The following DNAH11 variants were observed in gnomAD, a reference collection of about 807,000 sequenced individuals.
The protein encoded by DNAH11 is axonemal beta dynein heavy chain 11.
DNAH11 carries 442 observed loss-of-function variants against 526.0 expected under a neutral mutation model. That is an observed-to-expected ratio of 0.84 (90% CI 0.78 to 0.91). The LOEUF is 0.91. Ranked by LOEUF, DNAH11 falls within the 40% of genes least tolerant of loss-of-function variation. The pLI, the probability that DNAH11 is intolerant of heterozygous loss-of-function variation, is 0.00. For synonymous variants in DNAH11, 2,461 were observed against 1,935.9 expected, an observed-to-expected ratio of 1.27 and a Z score of -7.12; for missense variants, 6,989 against 5,448.7, an observed-to-expected ratio of 1.28 and a Z score of -8.90.
In DNAH11 at chr7:21,591,217, G is replaced by T. The variant is rs1784666587; in HGVS notation, c.2307G>T (p.Gly769=). The change falls in exon 14 of 82, where the codon GGG becomes GGT. Residue 769 remains glycine (G), a synonymous_variant. Transcript: ENST00000409508. ...YIGNLDLLVQ[G]YNKLKQTLLE... ...GAAATCTTGACCTTCTTGTGCAAGG[G>T]TATAATAAACTCAAACAGACGCTCC... 1.3e-6 allele frequency: 2 copies of T among 1,571,526 alleles called. No individual in the cohort carries two copies. The highest frequency in any genetic ancestry group is 1.7e-6 in the Non-Finnish European group (2 of 1,161,136).
chr7:21,698,676 C>T (rs1783947123), intron 36 of DNAH11, among the ~76,000 whole-genome samples: 1 of 152,144 alleles, frequency 6.6e-6, no homozygotes, highest in Admixed American at 6.5e-5. Flanking sequence ...AGTAATATTC[C>T]ATGGTGTATA....
chr7:21,642,496 C>T (rs1025831516), intron 28 of DNAH11, among the ~76,000 whole-genome samples: 28 of 152,166 alleles, frequency 1.8e-4, no homozygotes, highest in African/African-American at 6.8e-4. Flanking sequence ...CTCTTTTCAA[C>T]ATTAGAGTCA....
Position 21,615,062 on chromosome 7 carries a change from G to C in DNAH11, c.3853-52G>C, listed in dbSNP as rs1413035306. On this transcript the variant is annotated intron_variant, in intron 20 of 81. Coordinates refer to ENST00000409508, the MANE Select transcript of DNAH11 (RefSeq NM_001277115.2). ...GATAACCAGAGCTACAGAACTGCAT[G>C]TCTTCTCTTTCTCTGGCAGTTTGTA... 12 of 1,537,094 alleles carry C rather than the reference G, an allele frequency of 7.8e-6. No homozygotes were observed. The East Asian group carries it at 2.8e-4, about 36-fold the overall frequency.
chr7:21,772,459 G>C (rs1335102667), intron 55 of DNAH11, among the ~76,000 whole-genome samples: 1 of 150,374 alleles, frequency 6.7e-6, no homozygotes, highest in East Asian at 2.0e-4. Flanking sequence ...ATTAAAACAA[G>C]ACAGGACAGG....
chr7:21,701,375 G>A (rs576594808), intron 36 of DNAH11, among the ~76,000 whole-genome samples: 7 of 148,854 alleles, frequency 4.7e-5, no homozygotes, highest in African/African-American at 1.5e-4. Context: ...CCACAGCCTC[G>A]ACCTTCCTGG....
intron 67 of DNAH11, 58 bp from the exon 68 acceptor site, chr7:21,854,257 T>A: frequency 6.4e-7 from 1 of 1,565,630 alleles, no homozygotes. Context: ...ATTCCTTGGA[T>A]ATGCGTAGAG....
chr7:21,573,168 T>C (rs1035637933), intron 8 of DNAH11, among the ~76,000 whole-genome samples: 1 of 152,198 alleles, frequency 6.6e-6, no homozygotes, highest in African/African-American at 2.4e-5. Context: ...ACCTTGGCCA[T>C]GCCAAAGGTC....
rs535286802 is a variant in DNAH11, at chr7:21,689,741, C to T, written c.5925-1024C>T. ...ACCTAGTGTCTAAAGCACCCTTAGTCCTAAACACTGTGGTTTCTTTCTGTG... is the reference window on the plus strand; with the variant it reads ...ACCTAGTGTCTAAAGCACCCTTAGTTCTAAACACTGTGGTTTCTTTCTGTG... On this transcript the variant is annotated intron_variant, in intron 34 of 81. Transcript: ENST00000409508. Among the ~76,000 whole-genome samples, 49 of 152,348 alleles carry T rather than the reference C, an allele frequency of 3.2e-4. No individual in the cohort carries two copies. The South Asian group carries it at 9.9e-3, about 31-fold the overall frequency.
chr7:21,593,120 A>T (rs542386499), intron 14 of DNAH11, among the ~76,000 whole-genome samples: 3 of 152,318 alleles, frequency 2.0e-5, no homozygotes, highest in African/African-American at 4.8e-5. Context: ...AGTCCTCCCT[A>T]GGTCAGGGAG....
chr7:21,620,473 C>A (rs950103469), intron 25 of DNAH11, among the ~76,000 whole-genome samples: 5 of 151,818 alleles, frequency 3.3e-5, no homozygotes, highest in Admixed American at 6.6e-5. Flanking sequence ...TGGCATCGTA[C>A]AATATTTGTC....
rs184109243 is a variant in DNAH11 at position 21,563,113 on chromosome 7, A to G, written c.983-1073A>G. Among the ~76,000 whole-genome samples, 37 of 152,362 alleles carry G rather than the reference A, an allele frequency of 2.4e-4. 1 individual carries two copies. Among genetic ancestry groups the G allele is most frequent in the African/African-American group, 8.7e-4 (36 of 41,584 alleles). ...TATATTAAAAGGATCAGTGCTAAGC[A>G]AGAGAAAACTTTGGATTCAATTAAG... On this transcript the variant is annotated intron_variant, in intron 5 of 81. Transcript: ENST00000409508.
chr7:21,711,947 G>A (rs1428960989), intron 42 of DNAH11, 87 bp downstream of exon 42: 2 of 1,449,984 alleles, frequency 1.4e-6, no homozygotes, highest in Admixed American at 4.0e-5. Context: ...GCACATTCAT[G>A]TTGTTGCACA....
At chr7:21,822,735 A>G in intron 65 of DNAH11, among the ~76,000 whole-genome samples, 1 of 152,132 alleles carries the variant, frequency 6.6e-6, no homozygotes, top group Non-Finnish European at 1.5e-5. Flanking sequence ...ATTCCCACCA[A>G]CAATGTACAG....
At chr7:21,814,881 G>GA (rs968881513) in intron 63 of DNAH11, among the ~76,000 whole-genome samples, 7 of 151,896 alleles carry the variant, frequency 4.6e-5, no homozygotes, top group Admixed American at 1.3e-4. Context: ...ATATTTTTAT[G>GA]AAAAAAATTC....
chr7:21,666,278 G>T (rs941988117), intron 30 of DNAH11, among the ~76,000 whole-genome samples: 4 of 152,026 alleles, frequency 2.6e-5, no homozygotes, highest in East Asian at 1.9e-4. Context: ...TTTGAAAAAA[G>T]TGGCAAGTAT....
At chr7:21,639,960 T>C (rs1447385823) in intron 28 of DNAH11, among the ~76,000 whole-genome samples, 2 of 152,208 alleles carry the variant, frequency 1.3e-5, no homozygotes, top group African/African-American at 4.8e-5. Context: ...TCCCTGAATT[T>C]TGCTGTTCTT....
chr7:21,830,008 T>C (rs991181005), intron 65 of DNAH11, among the ~76,000 whole-genome samples: 1 of 152,216 alleles, frequency 6.6e-6, no homozygotes, highest in Non-Finnish European at 1.5e-5. Context: ...AAGTTAGACG[T>C]CTTTTTGCCC....
In DNAH11 at chr7:21,690,946, A is replaced by C; in HGVS notation, c.6041+65A>C. 2.1e-5 allele frequency: 26 copies of C among 1,228,242 alleles called. No homozygotes were observed. The South Asian group carries it at 3.4e-4, about 16-fold the overall frequency. The allele number at this position is 1,228,242 out of a possible 1,614,324, so 76.1% of individuals were successfully genotyped here. The stretch of plus-strand genomic sequence containing the variant: ...ATGCCACCTAATGTTGTTGGTTTGC[A>C]CTGTTAAGTGGTTTGCTTTTACTTG... On this transcript the variant is annotated intron_variant, in intron 35 of 81. Transcript: ENST00000409508.
chr7:21,599,738 A>T, intron 14 of DNAH11, 49 bp from the exon 15 acceptor site: 3 of 1,331,210 alleles, frequency 2.3e-6, no homozygotes, highest in Non-Finnish European at 3.0e-6. Context: ...TTTAGTTTTT[A>T]TGCTAATTAT....
Sources: allele counts gnomAD v4.1 joint callset (sites outside exome capture counted in the v4.1 genomes callset), GRCh38; gene constraint gnomAD v4.1.1; transcripts MANE v1.5; gene names NCBI Gene and HGNC (gene_info 2026-07-23, HGNC 2026-07-21).